AHNAK: variants seen among roughly 807,000 people sequenced by gnomAD.
AHNAK encodes AHNAK nucleoprotein.
AHNAK carries 23 observed loss-of-function variants against 37.8 expected under a neutral mutation model. The ratio of observed to expected loss-of-function variants is 0.61; its 90% confidence interval spans 0.44 to 0.86. The LOEUF is 0.86. Ranked by LOEUF, AHNAK falls within the 40% of genes least tolerant of loss-of-function variation. The pLI is 0.00. For synonymous variants in AHNAK, 2,481 were observed against 2,636.3 expected (o/e 0.94, Z 1.80); for missense variants, 7,411 against 7,319.4 (o/e 1.01, Z -0.46).
At chr11:62,505,511 T>C (rs1160539208) in intron 4 of AHNAK, among the ~76,000 whole-genome samples, 4 of 152,212 alleles carry the variant, frequency 2.6e-5, no homozygotes, top group African/African-American at 9.6e-5. Flanking sequence ...GCTGCTTTAC[T>C]TCGATTGTAG....
chr11:62,479,118 G>A (rs1047550880), intron 5 of AHNAK, among the ~76,000 whole-genome samples: 23 of 151,114 alleles, frequency 1.5e-4, no homozygotes, highest in African/African-American at 5.6e-4. Context: ...TAAGATAGTA[G>A]GACAACTTTT....
rs1318528838 is a variant in AHNAK, at chr11:62,516,188, G to A, written c.*556C>T. The A allele has an allele frequency of 1.6e-6, 2 of 1,289,188 alleles. No individual in the cohort carries two copies. The highest frequency in any genetic ancestry group is 1.2e-5 in the South Asian group (1 of 81,004). 79.9% of individuals were successfully genotyped at this position (1,289,188 alleles called of 1,614,324 possible). A position where few individuals can be genotyped will look rare whatever the true frequency, so the allele number is the denominator to read the frequency against. On this transcript the variant is annotated 3_prime_UTR_variant, in exon 5 of 5. Transcript: ENST00000378024. ...CTGGCTGGGACCACCACCCCTGGGT[G>A]AAAGAAACAACACTAAAGAACCCTA...
At position 62,518,387 on chromosome 11, in the gene AHNAK, C is replaced by T. The variant is rs376173979; in HGVS notation, c.16030G>A (p.Gly5344Ser). The T allele has an allele frequency of 9.3e-6, 15 of 1,614,122 alleles. No homozygotes were observed. Among genetic ancestry groups the T allele is most frequent in the South Asian group, 8.8e-5 (8 of 91,068 alleles). The change falls in exon 5 of 5, where the codon GGT (glycine) becomes AGT (serine). Residue 5344 changes from glycine to serine, a missense_variant. Physicochemically the swap from Gly to Ser is moderately conservative, Grantham distance 56. Transcript: ENST00000378024. Reference protein sequence around the residue: ...VGGKMQVGGDGVKVPGIDATT... With the variant: ...VGGKMQVGGDSVKVPGIDATT... ...GCATCGATCCCTGGCACTTTCACACCGTCTCCTCCCACCTGCATTTTGCCA... is the reference window on the plus strand; with the variant it reads ...GCATCGATCCCTGGCACTTTCACACTGTCTCCTCCCACCTGCATTTTGCCA...
At chr11:62,494,426 C>T (rs569799333) in intron 4 of AHNAK, among the ~76,000 whole-genome samples, 21 of 152,036 alleles carry the variant, frequency 1.4e-4, no homozygotes, top group African/African-American at 4.3e-4. Flanking sequence ...AACACATTGG[C>T]GCTTACCACA....
intron 5 of AHNAK, among the ~76,000 whole-genome samples, chr11:62,445,817 G>A (rs1460650426): frequency 6.6e-6 from 1 of 152,058 alleles, no homozygotes. Context: ...AGGAGTTCCC[G>A]ACCAACCTGG....
In AHNAK at chr11:62,517,044, T is replaced by C. The variant is rs768529037; in HGVS notation, c.17373A>G (p.Gly5791=). 6.2e-7 allele frequency: 1 copy of C among 1,614,148 alleles called. No individual in the cohort carries two copies. Among genetic ancestry groups the C allele is most frequent in the Non-Finnish European group, 8.5e-7 (1 of 1,180,030 alleles). ...NSFSDEREFS[G]PSTPTGTLEF... is the part of the protein sequence containing the mutation. The stretch of plus-strand genomic sequence containing the variant: ...CCAGCGTCCCCGTCGGGGTGGAAGG[T>C]CCAGAGAACTCTCTTTCATCACTGA... Residue 5791 remains glycine (G), a synonymous_variant, in exon 5 of 5, where the codon GGA becomes GGG. Coordinates refer to ENST00000378024, the MANE Select transcript of AHNAK (RefSeq NM_001620.3).
At chr11:62,435,559 C>A (rs1320192271) in intron 5 of AHNAK, among the ~76,000 whole-genome samples, 3 of 152,108 alleles carry the variant, frequency 2.0e-5, no homozygotes, top group African/African-American at 7.2e-5. Context: ...ACTACAGGCG[C>A]CCGTCACCTC....
At chr11:62,468,374 A>G (rs1938960479) in intron 5 of AHNAK, among the ~76,000 whole-genome samples, 1 of 142,096 alleles carries the variant, frequency 7.0e-6, no homozygotes, top group African/African-American at 2.6e-5. Context: ...AAAAAAAAAT[A>G]TATATATATA....
chr11:62,534,944 T>G, intron 4 of AHNAK, 59 bp downstream of exon 4: 2 of 1,558,802 alleles, frequency 1.3e-6, no homozygotes, highest in South Asian at 1.2e-5. Flanking sequence ...AGGAGTGGGG[T>G]CAGCAGGCCG....
downstream of AHNAK, among the ~76,000 whole-genome samples, chr11:62,514,924 G>T (rs536390512): frequency 1.2e-4 from 19 of 152,292 alleles, no homozygotes; most frequent in African/African-American, 4.3e-4. Context: ...GAAGGATGGG[G>T]TGGGAGCTAT....
chr11:62,460,028 G>A (rs1231327510), intron 5 of AHNAK, among the ~76,000 whole-genome samples: 1 of 151,856 alleles, frequency 6.6e-6, no homozygotes, highest in Non-Finnish European at 1.5e-5. Flanking sequence ...TGAGGCAGGA[G>A]AATCGCTTGA....
rs1397202666 is a variant in AHNAK at position 62,525,051 on chromosome 11, A to T, written c.9366T>A (p.Val3122=). The change falls in exon 5 of 5, where the codon GTT becomes GTA. Residue 3122 remains valine (V), a synonymous_variant. Coordinates refer to ENST00000378024, the MANE Select transcript of AHNAK (RefSeq NM_001620.3). Reference sequence around the variant, plus strand: ...TGGGGCCTTTAATATCCACGTCAGGAACTTTCATGTCACCTTCCACTTTTG... The same window carrying T: ...TGGGGCCTTTAATATCCACGTCAGGTACTTTCATGTCACCTTCCACTTTTG... The part of the protein sequence containing the change: ...SLPKVEGDMK[V]PDVDIKGPKV... 1.2e-6 allele frequency: 2 copies of T among 1,612,956 alleles called. No individual in the cohort carries two copies. The highest frequency in any genetic ancestry group is 2.2e-5 in the South Asian group (2 of 91,028).
At position 62,523,946 on chromosome 11, in the gene AHNAK, C is replaced by T. The variant is rs1361902401; in HGVS notation, c.10471G>A (p.Gly3491Arg). Residue 3491 changes from glycine to arginine, a missense_variant, in exon 5 of 5, where the codon GGG becomes AGG. Physicochemically the swap from Gly to Arg is moderately radical, Grantham distance 125. Coordinates refer to ENST00000378024, the MANE Select transcript of AHNAK (RefSeq NM_001620.3). ...KFSVSGLKAE[G>R]PDVAVDLPKG... ...GGTAGATCCACAGCTACATCTGGCCCTTCTGCTTTTAAGCCAGACACACTG... is the reference window on the plus strand; with the variant it reads ...GGTAGATCCACAGCTACATCTGGCCTTTCTGCTTTTAAGCCAGACACACTG... 1 of 1,614,082 alleles carries T rather than the reference C, an allele frequency of 6.2e-7. No homozygotes were observed. The highest frequency in any genetic ancestry group is 8.5e-7 in the Non-Finnish European group (1 of 1,180,024).
rs570439348 is a variant in AHNAK at position 62,524,160 on chromosome 11, G to T, written c.10257C>A (p.Asp3419Glu). Residue 3419 changes from aspartate (D) to glutamate (E), a missense_variant, in exon 5 of 5, where the codon GAC (aspartate) becomes GAA (glutamate). By Grantham distance (45) the Asp-to-Glu change is conservative. Transcript: ENST00000378024. ...TGGGACTTTTCAAATTTAGCTCCAC[G>T]TCAGGCATAGAAACTTTGGGAGATG... ...SISSPKVSMPDVELNLKSPKV... is the reference protein window; with the variant it reads ...SISSPKVSMPEVELNLKSPKV... 2.5e-6 allele frequency: 4 copies of T among 1,613,918 alleles called. No homozygotes were observed. The highest frequency in any genetic ancestry group is 2.5e-6 in the Non-Finnish European group (3 of 1,180,004).
At chr11:62,545,473 C>T (rs1941276980) in intron 1 of AHNAK, 1 of 152,718 alleles carries the variant, frequency 6.5e-6, no homozygotes, top group Admixed American at 6.5e-5. Flanking sequence ...GGCGACCAGC[C>T]CTGCCAGGGA....
At chr11:62,544,431 G>A (rs975398440) in intron 1 of AHNAK, among the ~76,000 whole-genome samples, 1 of 145,636 alleles carries the variant, frequency 6.9e-6, no homozygotes, top group Non-Finnish European at 1.5e-5. Flanking sequence ...CCTGTTCTCT[G>A]ACCAGTGTCC....
Position 62,530,427 on chromosome 11 carries a change from C to T in AHNAK, c.3990G>A (p.Leu1330=). The T allele has an allele frequency of 6.2e-7, 1 of 1,613,970 alleles. No homozygotes were observed. The highest frequency in any genetic ancestry group is 8.5e-7 in the Non-Finnish European group (1 of 1,179,996). ...CCTTCAATTTTGGCCCCTTAAGATTCAGGTCCACATCAGGCATGGAGATCT... is the reference window on the plus strand; with the variant it reads ...CCTTCAATTTTGGCCCCTTAAGATTTAGGTCCACATCAGGCATGGAGATCT... ...APKISMPDVD[L]NLKGPKLKGD... is the part of the protein sequence containing the mutation. Residue 1330 remains leucine (L), a synonymous_variant, in exon 5 of 5, where the codon CTG becomes CTA. Coordinates refer to ENST00000378024, the MANE Select transcript of AHNAK (RefSeq NM_001620.3).
intron 5 of AHNAK, among the ~76,000 whole-genome samples, chr11:62,442,691 C>T (rs3017082): frequency 0.58 from 88,463 of 151,318 alleles, 26,160 homozygotes; most frequent in South Asian, 0.71. Flanking sequence ...GCCAACATGG[C>T]GAAACCCATC....
downstream of AHNAK, among the ~76,000 whole-genome samples, chr11:62,511,277 G>A (rs372441833): frequency 4.5e-4 from 68 of 150,824 alleles, no homozygotes; most frequent in South Asian, 0.014. Flanking sequence ...GTTTTGAGAC[G>A]AGTCTCGCTC....
Sources: gnomAD v4.1 joint callset for allele counts (sites outside exome capture counted in the v4.1 genomes callset) on GRCh38, gnomAD v4.1.1 for gene constraint, MANE v1.5 for transcripts, NCBI Gene and HGNC (gene_info 2026-07-23, HGNC 2026-07-21) for gene names.